The following AK7 variants were observed in gnomAD, a reference collection of about 807,000 sequenced individuals.
AK7 encodes the protein adenylate kinase 7, also known as ATP-AMP transphosphorylase 7.
In AK7, 78 loss-of-function variants were observed where a neutral mutation model predicts 96.6. The observed-to-expected ratio is 0.81, with a 90% CI of 0.67 to 0.97. The LOEUF (loss-of-function observed/expected upper bound fraction) is 0.97. AK7 is among the 50% of genes least tolerant of loss of function. The pLI is 0.00. For missense variants in AK7, 855 were observed against 887.9 expected (o/e 0.96, Z 0.47); for synonymous variants, 302 against 317.2 (o/e 0.95, Z 0.51).
chr14:96,423,089 C>T (rs1052185893), intron 5 of AK7, among the ~76,000 whole-genome samples: 9 of 152,324 alleles, frequency 5.9e-5, no homozygotes, highest in African/African-American at 1.7e-4. Flanking sequence ...TACTGCTGCC[C>T]ATCTACAGGG....
chr14:96,477,732 C>A (rs1320176521), intron 14 of AK7, among the ~76,000 whole-genome samples: 1 of 152,176 alleles, frequency 6.6e-6, no homozygotes, highest in Admixed American at 6.5e-5. Context: ...ACATGTTGTA[C>A]GTAAGTGTTT....
At chr14:96,474,325 A>G (rs533110377) in intron 14 of AK7, among the ~76,000 whole-genome samples, 19 of 152,012 alleles carry the variant, frequency 1.2e-4, no homozygotes, top group African/African-American at 4.6e-4. Flanking sequence ...CCTGTGGGCT[A>G]AGTTGATTGG....
At chr14:96,472,305 G>A (rs1207076653) in intron 13 of AK7, among the ~76,000 whole-genome samples, 3 of 152,180 alleles carry the variant, frequency 2.0e-5, no homozygotes, top group Admixed American at 6.5e-5. Context: ...GGGACTACAG[G>A]CGTGCATGAC....
chr14:96,393,983 C>T (rs1349710371), intron 1 of AK7, among the ~76,000 whole-genome samples: 1 of 152,058 alleles, frequency 6.6e-6, no homozygotes, highest in South Asian at 2.1e-4. Flanking sequence ...GTGGCAGGCG[C>T]CTATAATCTC....
intron 12 of AK7, among the ~76,000 whole-genome samples, chr14:96,468,418 C>G (rs1348102713): frequency 6.6e-6 from 1 of 151,542 alleles, no homozygotes; most frequent in Non-Finnish European, 1.5e-5. Context: ...ACCTCAGCCT[C>G]CCGAGTAGCT....
At chr14:96,437,234 G>A (rs1196418903) in intron 5 of AK7, among the ~76,000 whole-genome samples, 1 of 152,026 alleles carries the variant, frequency 6.6e-6, no homozygotes, top group Non-Finnish European at 1.5e-5. Context: ...GTAATTCAAT[G>A]GATAAATGCT....
At chr14:96,397,229 T>G (rs192848853) in intron 1 of AK7, among the ~76,000 whole-genome samples, 2 of 152,360 alleles carry the variant, frequency 1.3e-5, no homozygotes, top group African/African-American at 4.8e-5. Context: ...ATTTTGGATA[T>G]ATTGCATTAA....
chr14:96,459,161 A>T (rs909102028), intron 12 of AK7, among the ~76,000 whole-genome samples: 1 of 152,108 alleles, frequency 6.6e-6, no homozygotes, highest in South Asian at 2.1e-4. Context: ...AACATGGTGA[A>T]AACCCATCTC....
intron 11 of AK7, chr14:96,457,183 C>T (rs143124063): frequency 0.013 from 2,029 of 151,408 alleles, 19 homozygotes; most frequent in Non-Finnish European, 0.021. Context: ...GCCTCAGCCT[C>T]CCAAGTAGCT....
chr14:96,464,628 C>G (rs537590523), intron 12 of AK7, among the ~76,000 whole-genome samples: 3 of 149,664 alleles, frequency 2.0e-5, no homozygotes, highest in African/African-American at 2.5e-5. Flanking sequence ...TTGTGACAGG[C>G]TATTAGTATT....
chr14:96,442,351 T>C (rs947893604), intron 6 of AK7, among the ~76,000 whole-genome samples: 3 of 152,266 alleles, frequency 2.0e-5, no homozygotes, highest in Non-Finnish European at 4.4e-5. Flanking sequence ...TAAGACATCA[T>C]GCATGTGAAA....
At chr14:96,425,263 C>T (rs530364870) in intron 5 of AK7, among the ~76,000 whole-genome samples, 1 of 152,204 alleles carries the variant, frequency 6.6e-6, no homozygotes, top group Non-Finnish European at 1.5e-5. Context: ...AAAGCAAACA[C>T]AGTCTATGCA....
intron 5 of AK7, among the ~76,000 whole-genome samples, chr14:96,435,677 C>T (rs1287664586): frequency 2.0e-5 from 3 of 152,082 alleles, no homozygotes; most frequent in Non-Finnish European, 2.9e-5. Flanking sequence ...GCGCTGTAGC[C>T]CTCGGTGGCG....
chr14:96,426,003 T>A (rs1892010176), intron 5 of AK7, among the ~76,000 whole-genome samples: 1 of 152,228 alleles, frequency 6.6e-6, no homozygotes, highest in African/African-American at 2.4e-5. Context: ...TTTAGTCCAC[T>A]TACATTCAAT....
chr14:96,478,907 CTTT>C (rs147640900), intron 15 of AK7, among the ~76,000 whole-genome samples: 3 of 140,922 alleles, frequency 2.1e-5, no homozygotes, highest in Admixed American at 7.1e-5. Flanking sequence ...ATGACAAATC[CTTT>C]TTTTTTTTTT....
intron 8 of AK7, among the ~76,000 whole-genome samples, chr14:96,447,803 T>A (rs1326517814): frequency 6.6e-6 from 1 of 152,104 alleles, no homozygotes; most frequent in Non-Finnish European, 1.5e-5. Context: ...GGAGTCTAGA[T>A]CTGGGACAGC....
intron 7 of AK7, among the ~76,000 whole-genome samples, chr14:96,443,323 T>G (rs185472381): frequency 2.4e-4 from 36 of 152,338 alleles, no homozygotes; most frequent in Admixed American, 2.0e-3. Context: ...TCTCTTCCTT[T>G]GAAGACCCTG....
chr14:96,464,417 G>T (rs1470463466), intron 12 of AK7, among the ~76,000 whole-genome samples: 1 of 151,730 alleles, frequency 6.6e-6, no homozygotes, highest in Non-Finnish European at 1.5e-5. Context: ...AGGCGTGGTG[G>T]TGCGTGCCTA....
chr14:96,476,376 A>C (rs1471796341), intron 14 of AK7, among the ~76,000 whole-genome samples: 1 of 152,030 alleles, frequency 6.6e-6, no homozygotes, highest in African/African-American at 2.4e-5. Context: ...ACGGTGGTGC[A>C]CGCCTATAAT....
Sources: gnomAD v4.1 joint callset for allele counts (sites outside exome capture counted in the v4.1 genomes callset) on GRCh38, gnomAD v4.1.1 for gene constraint, MANE v1.5 for transcripts, NCBI Gene and HGNC (gene_info 2026-07-23, HGNC 2026-07-21) for gene names.